The following NLGN4X variants were observed in gnomAD, a reference collection of about 807,000 sequenced individuals.
The protein encoded by NLGN4X is neuroligin 4 X-linked.
Under a neutral mutation model 40.3 loss-of-function variants are expected in NLGN4X, and 3 were observed. That is an observed-to-expected ratio of 0.07 (90% confidence interval 0.03 to 0.19). The LOEUF (loss-of-function observed/expected upper bound fraction) is 0.19. Among genes scored for constraint, NLGN4X ranks in the 10% least tolerant of loss-of-function variants. The probability of loss-of-function intolerance (pLI) is 1.00; values close to 1 mark genes in which losing one functional copy is unlikely to be tolerated. For missense variants in NLGN4X, 382 were observed against 708.3 expected (o/e 0.54, Z 5.23); for synonymous variants, 270 against 306.8 (o/e 0.88, Z 1.25).
intron 2 of NLGN4X, among the ~76,000 whole-genome samples, chrX:6,116,020 G>A (rs966392348): frequency 9.1e-6 from 1 of 109,956 alleles, no homozygotes; most frequent in African/African-American, 3.3e-5. Context: ...GAGGCTGGGC[G>A]CGGTGGCTCA....
chrX:5,941,180 G>GTGT (rs1569143828), intron 3 of NLGN4X, among the ~76,000 whole-genome samples: 4,967 of 58,557 alleles, frequency 0.085, 205 homozygotes, highest in Non-Finnish European at 0.094. Flanking sequence ...TATGCTAGGG[G>GTGT]GTGTGTGTGT....
chrX:6,112,380 TAAAC>T (rs2039170502), intron 2 of NLGN4X, among the ~76,000 whole-genome samples: 1 of 111,204 alleles, frequency 9.0e-6, no homozygotes. Flanking sequence ...TCTATGCAGA[TAAAC>T]AACATCACAT....
chrX:5,975,612 C>CAAAAA lies in NLGN4X; in HGVS notation c.625+53663_625+53667dup, dbSNP rs60917858. 9.8e-4 allele frequency among the ~76,000 whole-genome samples: 53 copies of CAAAAA among 53,882 alleles called. 1 individual carries two copies. The highest frequency in any genetic ancestry group is 3.2e-3 in the African/African-American group (49 of 15,131). 46.8% of individuals were successfully genotyped at this position (53,882 alleles called of 115,157 possible). On this transcript the variant is annotated intron_variant, in intron 3 of 5. Coordinates refer to ENST00000381095, the MANE Select transcript of NLGN4X (RefSeq NM_181332.3). ...TGGGCGACAAAGCAAGACTCCGTTT[C>CAAAAA]AAAAAAAAAAAAAAAAAGCAGTTTA...
chrX:5,988,663 C>T (rs2035595442), intron 3 of NLGN4X, among the ~76,000 whole-genome samples: 1 of 112,443 alleles, frequency 8.9e-6, no homozygotes, highest in South Asian at 3.7e-4. Context: ...ACATAGAAGA[C>T]AACACCTGGC....
At chrX:6,021,469 CCTT>C (rs1212638209) in intron 3 of NLGN4X, among the ~76,000 whole-genome samples, 1 of 110,622 alleles carries the variant, frequency 9.0e-6, no homozygotes, top group East Asian at 2.9e-4. Flanking sequence ...TTTCCCCTGA[CCTT>C]CTTCACATCC....
chrX:6,053,854 C>T (rs1439875581), intron 2 of NLGN4X, among the ~76,000 whole-genome samples: 3 of 112,105 alleles, frequency 2.7e-5, no homozygotes, highest in African/African-American at 6.5e-5. Flanking sequence ...ACAGCAACAT[C>T]GGGAAATAAT....
At chrX:5,987,799 C>T (rs949386402) in intron 3 of NLGN4X, among the ~76,000 whole-genome samples, 1 of 112,072 alleles carries the variant, frequency 8.9e-6, no homozygotes, top group African/African-American at 3.2e-5. Flanking sequence ...TGAGGCTGGG[C>T]ACCGTGGCTC....
intron 1 of NLGN4X, among the ~76,000 whole-genome samples, chrX:6,195,284 G>A (rs1325574055): frequency 8.9e-6 from 1 of 112,114 alleles, no homozygotes; most frequent in Non-Finnish European, 1.9e-5. Flanking sequence ...CTAATGCAGG[G>A]ACAGATTAGC....
intron 2 of NLGN4X, among the ~76,000 whole-genome samples, chrX:6,073,655 C>T (rs1344218302): frequency 9.0e-6 from 1 of 110,745 alleles, no homozygotes; most frequent in East Asian, 2.9e-4. Context: ...GACTGAGATG[C>T]CCAGGACACA....
At chrX:6,115,036 A>G (rs1318943196) in intron 2 of NLGN4X, among the ~76,000 whole-genome samples, 1 of 112,489 alleles carries the variant, frequency 8.9e-6, no homozygotes, top group Non-Finnish European at 1.9e-5. Context: ...GGTTTCTAGG[A>G]AGAAAAAACA....
intron 2 of NLGN4X, among the ~76,000 whole-genome samples, chrX:6,080,201 T>G (rs1018410263): frequency 1.8e-5 from 2 of 111,158 alleles, no homozygotes; most frequent in Non-Finnish European, 3.8e-5. Flanking sequence ...ATGATCTTAT[T>G]GTCTAAGTAG....
intron 3 of NLGN4X, among the ~76,000 whole-genome samples, chrX:6,009,442 C>T (rs1251495880): frequency 8.9e-6 from 1 of 112,102 alleles, no homozygotes; most frequent in East Asian, 2.8e-4. Flanking sequence ...TTTACGTTTA[C>T]TTTATTAACA....
intron 2 of NLGN4X, among the ~76,000 whole-genome samples, chrX:6,055,508 G>A (rs1042404732): frequency 1.8e-4 from 20 of 110,931 alleles, no homozygotes; most frequent in African/African-American, 5.9e-4. Flanking sequence ...TTGTGGGGGG[G>A]CTTACAAAAC....
intron 3 of NLGN4X, among the ~76,000 whole-genome samples, chrX:5,959,638 C>T (rs923543370): frequency 9.0e-6 from 1 of 111,654 alleles, no homozygotes; most frequent in Non-Finnish European, 1.9e-5. Context: ...TACATAATAG[C>T]ATATTATCTA....
At chrX:5,896,493 A>T (rs2031501669) in intron 5 of NLGN4X, among the ~76,000 whole-genome samples, 1 of 111,963 alleles carries the variant, frequency 8.9e-6, no homozygotes, top group Non-Finnish European at 1.9e-5. Flanking sequence ...AAAATTAAAG[A>T]CTATAATGAT....
chrX:5,905,325 C>T (rs775912191), intron 4 of NLGN4X, among the ~76,000 whole-genome samples: 27 of 111,746 alleles, frequency 2.4e-4, no homozygotes, highest in Admixed American at 3.8e-4. Context: ...AGAATTCATA[C>T]TTTAAACACA....
At chrX:6,032,332 T>A (rs1227853615) in intron 2 of NLGN4X, among the ~76,000 whole-genome samples, 4 of 86,793 alleles carry the variant, frequency 4.6e-5, no homozygotes, top group Non-Finnish European at 8.7e-5. Flanking sequence ...ACTTACAAAA[T>A]AACATTTGGA....
At chrX:5,899,888 T>C (rs2031746335) in intron 5 of NLGN4X, among the ~76,000 whole-genome samples, 1 of 111,712 alleles carries the variant, frequency 9.0e-6, no homozygotes, top group Non-Finnish European at 1.9e-5. Context: ...TTTCAAATCA[T>C]GTAAGGAGGA....
In NLGN4X at chrX:5,903,208, A is replaced by G. The variant is rs9785509; in HGVS notation, c.1470T>C (p.Gly490=). Residue 490 remains glycine, a synonymous_variant, in exon 5 of 6, where the codon GGT becomes GGC. Transcript: ENST00000381095. ...TGCCGAAGACATAGGGGACCTCATC[A>G]CCATGGGCCGAATCTGCCCAGCTGG... is the stretch of plus-strand genomic sequence containing the variant. ...MKPSWADSAH[G]DEVPYVFGIP... is the part of the protein sequence containing the mutation. 31 of 1,210,479 alleles carry G rather than the reference A, an allele frequency of 2.6e-5. No homozygotes were observed. Among genetic ancestry groups the G allele is most frequent in the East Asian group, 8.9e-5 (3 of 33,739 alleles).
Sources: gnomAD v4.1 joint callset for allele counts (sites outside exome capture counted in the v4.1 genomes callset) on GRCh38, gnomAD v4.1.1 for gene constraint, MANE v1.5 for transcripts, NCBI Gene and HGNC (gene_info 2026-07-23, HGNC 2026-07-21) for gene names.